Variants in GHRHR observed in about 807,000 individuals in gnomAD.
GHRHR encodes the protein growth hormone releasing hormone receptor.
In GHRHR, 40 loss-of-function variants were observed where a neutral mutation model predicts 58.3. That is an observed-to-expected ratio of 0.69 (90% CI 0.53 to 0.89). GHRHR has a LOEUF of 0.89. Ranked by LOEUF, GHRHR falls within the 40% of genes least tolerant of loss-of-function variation. The probability of loss-of-function intolerance (pLI) is 0.00; values close to 1 mark genes in which losing one functional copy is unlikely to be tolerated. For synonymous variants in GHRHR, 249 were observed against 216.6 expected (o/e 1.15, Z -1.31); for missense variants, 551 against 541.3 (o/e 1.02, Z -0.18).
intron 12 of GHRHR, among the ~76,000 whole-genome samples, chr7:30,977,717 G>A (rs1792616651): frequency 1.3e-5 from 2 of 152,158 alleles, no homozygotes; most frequent in Admixed American, 1.3e-4. Flanking sequence ...AGATAGAGGA[G>A]CCAAGAAAGT....
intron 12 of GHRHR, among the ~76,000 whole-genome samples, chr7:30,978,636 T>C (rs2270026): frequency 0.54 from 82,133 of 151,984 alleles, 24,916 homozygotes; most frequent in African/African-American, 0.84. Context: ...CACCGTTCCA[T>C]CTTGCCCCAG....
intron 3 of GHRHR, 130 bp downstream of exon 3, chr7:30,969,300 G>A (rs1220992700): frequency 2.0e-5 from 14 of 708,608 alleles, no homozygotes; most frequent in African/African-American, 1.0e-4. Context: ...GGGTGACCTC[G>A]GGCCAGTCAG....
rs34430645 is a variant in GHRHR, at chr7:30,975,058, T to A, written c.882+18T>A. The A allele has an allele frequency of 2.1e-3, 3,272 of 1,559,714 alleles. 98 individuals are homozygous for A. The East Asian group carries it at 0.051, about 25-fold the overall frequency. ...CGGTCGGGGTCAGTCCCTGGGCCAG[T>A]GCCCTTTGCTTTATTCAGTCAACTT... is the stretch of plus-strand genomic sequence containing the variant. On this transcript the variant is annotated intron_variant, in intron 9 of 12. Coordinates refer to ENST00000326139, the MANE Select transcript of GHRHR (RefSeq NM_000823.4).
chr7:30,972,208 C>T, intron 6 of GHRHR, 113 bp downstream of exon 6: 1 of 1,126,782 alleles, frequency 8.9e-7, no homozygotes, highest in Non-Finnish European at 1.3e-6. Context: ...CCTGGGGCTC[C>T]CGCATGGCCA....
At chr7:30,979,031 C>T (rs563886347) in intron 12 of GHRHR, 88 bp from the exon 13 acceptor site, 52 of 1,258,246 alleles carry the variant, frequency 4.1e-5, no homozygotes, top group Non-Finnish European at 5.2e-5. Context: ...TTCTCTTACA[C>T]GGCCTCTCCC....
In GHRHR at chr7:30,979,281, T is replaced by C. The variant is rs1792646857; in HGVS notation, c.*37T>C. The C allele has an allele frequency of 1.2e-6, 2 of 1,608,252 alleles. No individual in the cohort carries two copies. Among genetic ancestry groups the C allele is most frequent in the Non-Finnish European group, 1.7e-6 (2 of 1,177,174 alleles). ...ACGCCACTGGAGTCCACACTTGAAT[T>C]TGGGCAGCTACCACGGGTCTGCCAT... On this transcript the variant is annotated 3_prime_UTR_variant, in exon 13 of 13. Transcript: ENST00000326139.
rs768169711 is a variant in GHRHR, at chr7:30,969,761, T to C, written c.269-106T>C. ...CACCCTCTCTGTTGCTCAGAGGAGCTGTCCATGCAAACCCTGCCAGGGTCA... is the reference window on the plus strand; with the variant it reads ...CACCCTCTCTGTTGCTCAGAGGAGCCGTCCATGCAAACCCTGCCAGGGTCA... On this transcript the variant is annotated intron_variant, in intron 3 of 12. Transcript: ENST00000326139. The C allele has an allele frequency of 2.9e-6, 3 of 1,051,826 alleles. No individual in the cohort carries two copies. In the Admixed American group the frequency reaches 5.1e-5, roughly 18 times the overall value. The allele number at this position is 1,051,826 out of a possible 1,614,324, so 65.2% of individuals were successfully genotyped here. A position where few individuals can be genotyped will look rare whatever the true frequency, so the allele number is the denominator to read the frequency against.
intron 10 of GHRHR, 124 bp from the exon 11 acceptor site, chr7:30,976,305 C>T (rs939404386): frequency 3.6e-5 from 31 of 856,426 alleles, no homozygotes; most frequent in Non-Finnish European, 3.0e-5. Flanking sequence ...GGGGAGGTGG[C>T]GTTTCCCAAG....
intron 4 of GHRHR, among the ~76,000 whole-genome samples, chr7:30,970,178 C>T (rs1015994401): frequency 3.3e-5 from 5 of 152,148 alleles, no homozygotes; most frequent in Admixed American, 2.0e-4. Flanking sequence ...GAGGGAGAAG[C>T]GGGGCAGAGG....
intron 7 of GHRHR, 34 bp downstream of exon 7, chr7:30,974,172 A>G: frequency 6.2e-7 from 1 of 1,607,896 alleles, no homozygotes; most frequent in Non-Finnish European, 8.5e-7. Flanking sequence ...CACCATGGGG[A>G]GGTAAAGGGC....
chr7:30,978,211 T>C (rs1792624848), intron 12 of GHRHR, among the ~76,000 whole-genome samples: 1 of 152,146 alleles, frequency 6.6e-6, no homozygotes, highest in Non-Finnish European at 1.5e-5. Flanking sequence ...CTCTCTTTAT[T>C]CCTCACCTGA....
Position 30,965,900 on chromosome 7 carries a change from G to C in GHRHR, c.57+1775G>C, listed in dbSNP as rs563473208. 7.4e-4 allele frequency among the ~76,000 whole-genome samples: 113 copies of C among 152,346 alleles called. 1 individual carries two copies. Among genetic ancestry groups the C allele is most frequent in the Non-Finnish European group, 1.2e-3 (83 of 68,032 alleles). Reference sequence around the variant, plus strand: ...GTCTGTTGGGAGATGTAGGGGAGACGCAACGGGGCTCTGCCCTGAGATGGA... The same window carrying C: ...GTCTGTTGGGAGATGTAGGGGAGACCCAACGGGGCTCTGCCCTGAGATGGA... On this transcript the variant is annotated intron_variant, in intron 1 of 12. Coordinates refer to ENST00000326139, the MANE Select transcript of GHRHR (RefSeq NM_000823.4).
intron 1 of GHRHR, among the ~76,000 whole-genome samples, chr7:30,967,873 A>G (rs1792390564): frequency 6.6e-6 from 1 of 152,244 alleles, no homozygotes; most frequent in Non-Finnish European, 1.5e-5. Flanking sequence ...GACAAAGGTC[A>G]GAAATTTAAA....
In GHRHR at chr7:30,979,131, A is replaced by G; in HGVS notation, c.1159A>G (p.Ile387Val). ...CTTGTCCCTGGAGGTGAGGACTGAGATCTCACGGAAGTGGCATGGCCATGA... is the reference window on the plus strand; with the variant it reads ...CTTGTCCCTGGAGGTGAGGACTGAGGTCTCACGGAAGTGGCATGGCCATGA... ...CFLNQEVRTE[I>V]SRKWHGHDPE... Residue 387 changes from isoleucine (I) to valine (V), a missense_variant, in exon 13 of 13, where the codon ATC becomes GTC. Transcript: ENST00000326139. 1 of 1,613,792 alleles carries G rather than the reference A, an allele frequency of 6.2e-7. No homozygotes were observed. The highest frequency in any genetic ancestry group is 8.5e-7 in the Non-Finnish European group (1 of 1,179,724).
rs1792565101 is a variant in GHRHR, at chr7:30,975,832, C to G, written c.938C>G (p.Pro313Arg). 6.2e-7 allele frequency: 1 copy of G among 1,610,392 alleles called. No homozygotes were observed. The highest frequency in any genetic ancestry group is 8.5e-7 in the Non-Finnish European group (1 of 1,176,690). The change falls in exon 10 of 13, where the codon CCA becomes CGA. Residue 313 changes from proline (P) to arginine (R), a missense_variant. By Grantham distance (103) the Pro-to-Arg change is moderately radical. Transcript: ENST00000326139. ...CGCATCCTGGTGAGGAAACTGGAGC[C>G]AGCTCAGGGCAGCCTCCATACCCAG... ...IIRILVRKLE[P>R]AQGSLHTQSQ...
intron 10 of GHRHR, 185 bp downstream of exon 10, chr7:30,976,053 C>A: frequency 1.6e-6 from 1 of 624,824 alleles, no homozygotes; most frequent in South Asian, 1.9e-5. Context: ...ATGAGGACTC[C>A]AAACAGCCAG....
intron 6 of GHRHR, 92 bp downstream of exon 6, chr7:30,972,187 T>C: frequency 6.9e-7 from 1 of 1,440,994 alleles, no homozygotes; most frequent in Non-Finnish European, 9.6e-7. Context: ...TTCCCTGCCC[T>C]GTGGGCTGAC....
intron 9 of GHRHR, 62 bp from the exon 10 acceptor site, chr7:30,975,715 C>T (rs549799063): frequency 1.0e-5 from 10 of 960,948 alleles, no homozygotes; most frequent in East Asian, 9.5e-5. Flanking sequence ...TGGGGCTCAC[C>T]CCAGCCACCC....
intron 12 of GHRHR, 72 bp from the exon 13 acceptor site, chr7:30,979,047 C>A: frequency 6.9e-7 from 1 of 1,443,584 alleles, no homozygotes; most frequent in Non-Finnish European, 9.7e-7. Flanking sequence ...CTCCCTGCAC[C>A]TTAGTCTCAT....
Sources: gnomAD v4.1 joint callset for allele counts (sites outside exome capture counted in the v4.1 genomes callset) on GRCh38, gnomAD v4.1.1 for gene constraint, MANE v1.5 for transcripts, NCBI Gene and HGNC (gene_info 2026-07-23, HGNC 2026-07-21) for gene names.